MACROD2: variants seen among roughly 807,000 people sequenced by gnomAD.
The protein encoded by MACROD2 is ADP-ribose glycohydrolase MACROD2.
Under a neutral mutation model 70.4 loss-of-function variants are expected in MACROD2, and 36 were observed. The ratio of observed to expected loss-of-function variants is 0.51; its 90% CI spans 0.39 to 0.68. MACROD2 has a LOEUF of 0.68. Ranked by LOEUF, MACROD2 falls within the 30% of genes least tolerant of loss-of-function variation. MACROD2 has a pLI of 0.00. For synonymous variants in MACROD2, 172 were observed against 178.8 expected, an observed-to-expected ratio of 0.96 and a Z score of 0.30; for missense variants, 496 against 538.4, an observed-to-expected ratio of 0.92 and a Z score of 0.78.
At chr20:15,090,095 G>A (rs1166315007) in intron 5 of MACROD2, among the ~76,000 whole-genome samples, 1 of 152,040 alleles carries the variant, frequency 6.6e-6, no homozygotes, top group Non-Finnish European at 1.5e-5. Flanking sequence ...TGCACTGCTG[G>A]AGAAAATTAG....
intron 1 of MACROD2, among the ~76,000 whole-genome samples, chr20:14,001,192 C>T (rs1035812951): frequency 2.0e-5 from 3 of 152,114 alleles, no homozygotes; most frequent in African/African-American, 7.2e-5. Context: ...TTGCTTTGGG[C>T]AAACTACTTT....
chr20:15,052,504 C>G (rs419742), intron 5 of MACROD2, among the ~76,000 whole-genome samples: 1 of 151,872 alleles, frequency 6.6e-6, no homozygotes, highest in African/African-American at 2.4e-5. Flanking sequence ...TATAGTGATC[C>G]GTAGTCAGTG....
At chr20:14,225,068 T>C (rs2081719597) in intron 3 of MACROD2, among the ~76,000 whole-genome samples, 2 of 152,238 alleles carry the variant, frequency 1.3e-5, no homozygotes, top group South Asian at 2.1e-4. Context: ...GTAGGTCAGA[T>C]GGGTGTTCAC....
chr20:15,934,477 C>T (rs2065627127), intron 11 of MACROD2, among the ~76,000 whole-genome samples: 1 of 152,152 alleles, frequency 6.6e-6, no homozygotes, highest in South Asian at 2.1e-4. Flanking sequence ...ATGCAGAAAA[C>T]TGTTGTTATC....
intron 5 of MACROD2, among the ~76,000 whole-genome samples, chr20:14,727,634 T>A (rs540870756): frequency 2.6e-5 from 4 of 152,332 alleles, no homozygotes; most frequent in East Asian, 3.9e-4. Flanking sequence ...CATTTGCTGT[T>A]ACCTGCCTGC....
At chr20:14,066,472 A>G (rs1212684065) in intron 2 of MACROD2, among the ~76,000 whole-genome samples, 2 of 152,264 alleles carry the variant, frequency 1.3e-5, no homozygotes, top group Non-Finnish European at 2.9e-5. Flanking sequence ...ATGGCAAAAT[A>G]TCAAAATGAC....
intron 8 of MACROD2, among the ~76,000 whole-genome samples, chr20:15,636,076 GA>G (rs57402806): frequency 0.014 from 1,178 of 85,830 alleles, 27 homozygotes; most frequent in East Asian, 0.044. Flanking sequence ...CCTCTCAAAA[GA>G]AAAAAAAAAA....
chr20:15,938,972 G>T (rs1018345418), intron 12 of MACROD2, among the ~76,000 whole-genome samples: 6 of 152,228 alleles, frequency 3.9e-5, no homozygotes, highest in African/African-American at 7.2e-5. Flanking sequence ...CCAGAGCCTA[G>T]TCCAGAGCAA....
chr20:14,624,988 A>G (rs550517677), intron 4 of MACROD2, among the ~76,000 whole-genome samples: 2 of 152,280 alleles, frequency 1.3e-5, no homozygotes, highest in South Asian at 2.1e-4. Context: ...ACACAAATTC[A>G]TGGTTAATGG....
chr20:15,166,059 A>G (rs2076381547), intron 5 of MACROD2, among the ~76,000 whole-genome samples: 2 of 152,154 alleles, frequency 1.3e-5, no homozygotes, highest in South Asian at 2.1e-4. Context: ...TCCAAAGCAG[A>G]ATAGTGGTTT....
intron 3 of MACROD2, among the ~76,000 whole-genome samples, chr20:14,219,922 G>A (rs140294113): frequency 4.6e-5 from 7 of 152,304 alleles, no homozygotes; most frequent in East Asian, 1.9e-4. Flanking sequence ...CTGTTCCGGT[G>A]GAGGTGGCGG....
intron 5 of MACROD2, among the ~76,000 whole-genome samples, chr20:15,105,158 G>A (rs2075901221): frequency 6.6e-6 from 1 of 152,104 alleles, no homozygotes; most frequent in Non-Finnish European, 1.5e-5. Flanking sequence ...GAACTGGAAG[G>A]CCTAGGTGCA....
chr20:15,768,140 G>C (rs980743434), intron 8 of MACROD2, among the ~76,000 whole-genome samples: 10 of 140,868 alleles, frequency 7.1e-5, no homozygotes, highest in Non-Finnish European at 1.2e-4. Context: ...GTATGTGTCT[G>C]TGTGTGTGTG....
intron 2 of MACROD2, among the ~76,000 whole-genome samples, chr20:14,035,153 A>G (rs1197037836): frequency 6.6e-6 from 1 of 152,198 alleles, no homozygotes; most frequent in Non-Finnish European, 1.5e-5. Context: ...TAGGTAGATG[A>G]TAAAAGCTTC....
chr20:14,175,879 A>T (rs1304286065), intron 3 of MACROD2, among the ~76,000 whole-genome samples: 1 of 152,226 alleles, frequency 6.6e-6, no homozygotes, highest in Non-Finnish European at 1.5e-5. Flanking sequence ...ATTATCTTTC[A>T]GGGTTTTGGC....
intron 6 of MACROD2, among the ~76,000 whole-genome samples, chr20:15,279,233 A>G (rs1362731940): frequency 6.6e-6 from 1 of 152,198 alleles, no homozygotes; most frequent in Admixed American, 6.5e-5. Context: ...GACACACATG[A>G]ACAAAAAGGT....
At chr20:14,207,801 T>C (rs934588995) in intron 3 of MACROD2, among the ~76,000 whole-genome samples, 1 of 152,144 alleles carries the variant, frequency 6.6e-6, no homozygotes, top group Non-Finnish European at 1.5e-5. Context: ...TAGCCGTGGG[T>C]CATACAATTC....
chr20:14,979,927 G>A (rs1340307293), intron 5 of MACROD2, among the ~76,000 whole-genome samples: 1 of 152,100 alleles, frequency 6.6e-6, no homozygotes, highest in Non-Finnish European at 1.5e-5. Flanking sequence ...ATAAAATAGG[G>A]ATGATAATAC....
intron 16 of MACROD2, among the ~76,000 whole-genome samples, chr20:16,041,547 C>T (rs6043680): frequency 0.092 from 13,904 of 151,934 alleles, 706 homozygotes; most frequent in East Asian, 0.12. Context: ...ACTTTCAAGA[C>T]TAAACTGAAC....
Sources: allele counts gnomAD v4.1 joint callset (sites outside exome capture counted in the v4.1 genomes callset), GRCh38; gene constraint gnomAD v4.1.1; transcripts MANE v1.5; gene names NCBI Gene and HGNC (gene_info 2026-07-23, HGNC 2026-07-21).